Variants in SMAD5 observed in about 807,000 individuals in gnomAD.
SMAD5 encodes SMAD family member 5.
In SMAD5, 9 loss-of-function variants were observed where a neutral mutation model predicts 43.1. The observed-to-expected ratio is 0.21, with a 90% CI of 0.13 to 0.36. The LOEUF is 0.36. SMAD5 is among the 10% of genes least tolerant of loss of function. SMAD5 has a pLI of 1.00. For missense variants in SMAD5, 348 were observed against 574.0 expected (o/e 0.61, Z 4.02); for synonymous variants, 190 against 192.4 (o/e 0.99, Z 0.10).
At chr5:136,162,147 TCA>T (rs886184271) in intron 4 of SMAD5, among the ~76,000 whole-genome samples, 1 of 151,982 alleles carries the variant, frequency 6.6e-6, no homozygotes, top group Admixed American at 6.6e-5. Flanking sequence ...CGTGATTAAA[TCA>T]CAGAGTGCAC....
At chr5:136,167,676 G>T (rs1754068507) in intron 5 of SMAD5, among the ~76,000 whole-genome samples, 1 of 151,518 alleles carries the variant, frequency 6.6e-6, no homozygotes, top group African/African-American at 2.4e-5. Flanking sequence ...TGCTCGGGAG[G>T]CTGAGGCTGG....
chr5:136,177,103 G>T (rs1754446899), intron 7 of SMAD5, among the ~76,000 whole-genome samples: 1 of 151,986 alleles, frequency 6.6e-6, no homozygotes, highest in Admixed American at 6.6e-5. Context: ...GGCTCTAAGG[G>T]TTTCTTTTAA....
intron 2 of SMAD5, among the ~76,000 whole-genome samples, chr5:136,148,228 G>A (rs1753329367): frequency 6.7e-6 from 1 of 150,326 alleles, no homozygotes; most frequent in Non-Finnish European, 1.5e-5. Flanking sequence ...CCTTCAATTT[G>A]ACATTTGTGG....
At chr5:136,152,481 A>AT (rs1267626843) in intron 2 of SMAD5, among the ~76,000 whole-genome samples, 1 of 152,156 alleles carries the variant, frequency 6.6e-6, no homozygotes, top group Non-Finnish European at 1.5e-5. Flanking sequence ...CCAGTCCAGA[A>AT]TAATATTGAT....
At chr5:136,139,130 G>C (rs1456912675) in intron 1 of SMAD5, among the ~76,000 whole-genome samples, 1 of 142,434 alleles carries the variant, frequency 7.0e-6, no homozygotes, top group Non-Finnish European at 1.5e-5. Context: ...TGTGAGCTCT[G>C]TGTGTGTGTG....
rs1754332232 is a variant in SMAD5 at position 136,174,359 on chromosome 5, A to T, written c.998-17A>T. On this transcript the variant is annotated splice_polypyrimidine_tract_variant and intron_variant, in intron 6 of 7. Transcript: ENST00000545279. ...ATGATTCTTTTAGCTGACTCTTGTG[A>T]TGTTTGTCTTTTTAAGGTGTTCATC... 6.2e-7 allele frequency: 1 copy of T among 1,607,738 alleles called. No individual in the cohort carries two copies.
chr5:136,141,225 G>T (rs961733858), intron 1 of SMAD5, among the ~76,000 whole-genome samples: 1 of 152,168 alleles, frequency 6.6e-6, no homozygotes, highest in Non-Finnish European at 1.5e-5. Context: ...AGTATAGGAA[G>T]ATAAATGCTT....
chr5:136,168,589 A>G lies in SMAD5; in HGVS notation c.776-3845A>G, dbSNP rs7703104. On this transcript the variant is annotated intron_variant, in intron 5 of 7. Coordinates refer to ENST00000545279, the MANE Select transcript of SMAD5 (RefSeq NM_005903.7). Reference sequence around the variant, plus strand: ...ATAGTCAGTGAGCTTCCATTGACACATGATTATTATCCAGTGGGGTTCATT... The same window carrying G: ...ATAGTCAGTGAGCTTCCATTGACACGTGATTATTATCCAGTGGGGTTCATT... Among the ~76,000 whole-genome samples, 155 of 152,304 alleles carry G rather than the reference A, an allele frequency of 1.0e-3. 1 individual carries two copies. Among genetic ancestry groups the G allele is most frequent in the African/African-American group, 3.6e-3 (148 of 41,562 alleles).
chr5:136,142,852 C>T (rs1753129274), intron 1 of SMAD5, among the ~76,000 whole-genome samples: 2 of 152,068 alleles, frequency 1.3e-5, no homozygotes, highest in African/African-American at 2.4e-5. Context: ...GCATATGAAA[C>T]TCTTTATAGC....
chr5:136,133,061 C>A (rs1053708152), intron 1 of SMAD5, 99 bp downstream of exon 1: 3 of 152,360 alleles, frequency 2.0e-5, no homozygotes, highest in African/African-American at 4.8e-5. Flanking sequence ...CGGCCGCGGA[C>A]GGAGCGGAAA....
rs1259997978 is a variant in SMAD5 at position 136,178,397 on chromosome 5, GCTTATC to G, written c.*922_*927del. ...ACACTCAAGTGACTTGGACTTAGAT[GCTTATC>G]CTTACGTCCTTGGTACCTTTTTTGT... On this transcript the variant is annotated 3_prime_UTR_variant, in exon 8 of 8. Transcript: ENST00000545279. 1.3e-5 allele frequency: 2 copies of G among 152,640 alleles called. No homozygotes were observed. The highest frequency in any genetic ancestry group is 2.9e-5 in the Non-Finnish European group (2 of 68,040). The allele number at this position is 152,640 out of a possible 1,614,324, so 9.5% of individuals were successfully genotyped here. A position where few individuals can be genotyped will look rare whatever the true frequency, so the allele number is the denominator to read the frequency against.
At position 136,172,569 on chromosome 5, in the gene SMAD5, A is replaced by G; in HGVS notation, c.911A>G (p.Asn304Ser). The change falls in exon 6 of 8, where the codon AAT becomes AGT. Residue 304 changes from asparagine (N) to serine (S), a missense_variant. By Grantham distance (46) the Asn-to-Ser change is conservative. Coordinates refer to ENST00000545279, the MANE Select transcript of SMAD5 (RefSeq NM_005903.7). Reference protein sequence around the residue: ...VLVDGFTDPSNNKSRFCLGLL... With the variant: ...VLVDGFTDPSSNKSRFCLGLL... ...GTAGATGGATTCACAGATCCTTCAA[A>G]TAACAAAAGTAGATTCTGCTTGGGT... 1 of 1,613,340 alleles carries G rather than the reference A, an allele frequency of 6.2e-7. No individual in the cohort carries two copies.
Position 136,182,154 on chromosome 5 carries a change from AG to A in SMAD5, c.*4675del, listed in dbSNP as rs1376842984. On this transcript the variant is annotated 3_prime_UTR_variant, in exon 8 of 8. Coordinates refer to ENST00000545279, the MANE Select transcript of SMAD5 (RefSeq NM_005903.7). ...GTAGATTTTTCCGTCCCTCATTAAT[AG>A]TGCCTTCTTAATTAATACAGACTGG... 6.6e-6 allele frequency: 1 copy of A among 152,078 alleles called. No homozygotes were observed. Among genetic ancestry groups the A allele is most frequent in the Non-Finnish European group, 1.5e-5 (1 of 68,000 alleles). The allele number at this position is 152,078 out of a possible 1,614,324, so 9.4% of individuals were successfully genotyped here. A position where few individuals can be genotyped will look rare whatever the true frequency, so the allele number is the denominator to read the frequency against.
At chr5:136,161,190 C>T (rs1021319506) in intron 4 of SMAD5, 83 bp downstream of exon 4, 9 of 1,200,682 alleles carry the variant, frequency 7.5e-6, no homozygotes, top group Non-Finnish European at 1.1e-5. Flanking sequence ...TCTGGGTGAA[C>T]TGTTACATGC....
intron 1 of SMAD5, among the ~76,000 whole-genome samples, chr5:136,137,274 C>CCCCG (rs1468592363): frequency 6.8e-6 from 1 of 148,116 alleles, no homozygotes; most frequent in South Asian, 2.1e-4. Context: ...TTTGGGACCC[C>CCCCG]CCCCCGCATC....
chr5:136,135,794 T>C (rs1314992719), intron 1 of SMAD5, among the ~76,000 whole-genome samples: 1 of 152,226 alleles, frequency 6.6e-6, no homozygotes, highest in African/African-American at 2.4e-5. Context: ...GTGTCTATTC[T>C]CTTGGTTTAT....
intron 5 of SMAD5, among the ~76,000 whole-genome samples, chr5:136,169,300 G>A (rs541800331): frequency 1.3e-5 from 2 of 152,132 alleles, no homozygotes; most frequent in East Asian, 1.9e-4. Context: ...TCCTAGCCAC[G>A]CTGGCAGCTG....
In SMAD5 at chr5:136,153,883, A is replaced by G; in HGVS notation, c.123A>G (p.Lys41=). The change falls in exon 3 of 8, where the codon AAA becomes AAG. Residue 41 remains lysine, a synonymous_variant. Transcript: ENST00000545279. ...AEKAVDALVK[K]LKKKKGAMEE... is the part of the protein sequence containing the mutation. ...AGGCAGTTGATGCTTTGGTGAAGAA[A>G]CTAAAAAAGAAAAAGGGTGCCATGG... 1 of 1,614,052 alleles carries G rather than the reference A, an allele frequency of 6.2e-7. No homozygotes were observed. The highest frequency in any genetic ancestry group is 8.5e-7 in the Non-Finnish European group (1 of 1,179,930).
chr5:136,150,017 T>G (rs923465310), intron 2 of SMAD5, among the ~76,000 whole-genome samples: 8 of 151,930 alleles, frequency 5.3e-5, no homozygotes, highest in African/African-American at 1.9e-4. Context: ...ATGTTTAATC[T>G]TCTGCAGTAC....
Sources: gnomAD v4.1 joint callset for allele counts (sites outside exome capture counted in the v4.1 genomes callset) on GRCh38, gnomAD v4.1.1 for gene constraint, MANE v1.5 for transcripts, NCBI Gene and HGNC (gene_info 2026-07-23, HGNC 2026-07-21) for gene names.